The following ZBTB20 variants were observed in gnomAD, a reference collection of about 807,000 sequenced individuals.
ZBTB20 encodes the protein zinc finger and BTB domain containing 20, also known as zinc finger and BTB domain-containing protein 20.
ZBTB20 carries 9 observed loss-of-function variants against 56.9 expected under a neutral mutation model. The observed-to-expected ratio is 0.16, with a 90% confidence interval of 0.10 to 0.28. The LOEUF (loss-of-function observed/expected upper bound fraction) is 0.28. Ranked by LOEUF, ZBTB20 falls within the 10% of genes least tolerant of loss-of-function variation. The pLI, the probability that ZBTB20 is intolerant of heterozygous loss-of-function variation, is 1.00. For synonymous variants in ZBTB20, 417 were observed against 420.7 expected, an observed-to-expected ratio of 0.99 and a Z score of 0.11; for missense variants, 655 against 1,003.0, an observed-to-expected ratio of 0.65 and a Z score of 4.69.
intron 6 of ZBTB20, among the ~76,000 whole-genome samples, chr3:114,596,250 A>G (rs994802283): frequency 2.6e-5 from 4 of 152,206 alleles, no homozygotes; most frequent in Non-Finnish European, 5.9e-5. Flanking sequence ...AAATCAAACA[A>G]ACGAAAACTA....
intron 3 of ZBTB20, among the ~76,000 whole-genome samples, chr3:114,929,074 A>G (rs2076260885): frequency 6.6e-6 from 1 of 152,224 alleles, no homozygotes; most frequent in East Asian, 1.9e-4. Flanking sequence ...ATATACATAA[A>G]TAATATAATG....
intron 5 of ZBTB20, among the ~76,000 whole-genome samples, chr3:114,735,567 G>A (rs1228379057): frequency 2.0e-5 from 3 of 152,026 alleles, no homozygotes; most frequent in African/African-American, 4.8e-5. Context: ...AAGAAGTCAC[G>A]TTGCCTTAAA....
intron 7 of ZBTB20, among the ~76,000 whole-genome samples, chr3:114,403,076 C>T (rs1172064728): frequency 6.7e-6 from 1 of 150,088 alleles, no homozygotes; most frequent in Non-Finnish European, 1.5e-5. Context: ...TCATCATAAC[C>T]ATATGTGGCA....
At chr3:114,415,561 AT>A (rs749252329) in intron 7 of ZBTB20, among the ~76,000 whole-genome samples, 12 of 152,162 alleles carry the variant, frequency 7.9e-5, no homozygotes, top group Non-Finnish European at 1.6e-4. Flanking sequence ...TAAGGTTAAC[AT>A]TAGAGATTCA....
intron 7 of ZBTB20, among the ~76,000 whole-genome samples, chr3:114,421,021 T>C (rs1031798630): frequency 1.5e-4 from 23 of 152,162 alleles, no homozygotes; most frequent in Non-Finnish European, 7.3e-5. Context: ...TCAAAGCTTT[T>C]CTCATTTGAT....
At chr3:114,940,996 G>C (rs1427499604) in intron 3 of ZBTB20, among the ~76,000 whole-genome samples, 2 of 146,096 alleles carry the variant, frequency 1.4e-5, no homozygotes, top group East Asian at 3.9e-4. Context: ...AAAATCCACA[G>C]AGCGAATTTG....
intron 6 of ZBTB20, among the ~76,000 whole-genome samples, chr3:114,614,693 G>C (rs2057793972): frequency 6.6e-6 from 1 of 152,140 alleles, no homozygotes; most frequent in Admixed American, 6.6e-5. Flanking sequence ...CATAATGACT[G>C]AAGAAAGTTA....
At chr3:115,143,973 G>A (rs561677711) in intron 1 of ZBTB20, among the ~76,000 whole-genome samples, 1 of 152,280 alleles carries the variant, frequency 6.6e-6, no homozygotes, top group African/African-American at 2.4e-5. Context: ...AATCTAAAAT[G>A]CACAAAGTGT....
chr3:115,098,262 A>C (rs9289007), intron 1 of ZBTB20, among the ~76,000 whole-genome samples: 2 of 151,922 alleles, frequency 1.3e-5, no homozygotes, highest in Non-Finnish European at 2.9e-5. Context: ...GAGAATGACT[A>C]ATCAAGACAT....
intron 2 of ZBTB20, among the ~76,000 whole-genome samples, chr3:115,045,268 A>G (rs1342246989): frequency 1.3e-5 from 2 of 152,186 alleles, no homozygotes; most frequent in Admixed American, 1.3e-4. Flanking sequence ...AACATGTAGT[A>G]TATGTTCCTA....
intron 4 of ZBTB20, among the ~76,000 whole-genome samples, chr3:114,847,502 C>A (rs1022139368): frequency 6.6e-6 from 1 of 152,082 alleles, no homozygotes; most frequent in Non-Finnish European, 1.5e-5. Context: ...TTAATTATTT[C>A]ATCTGTGAAA....
intron 6 of ZBTB20, among the ~76,000 whole-genome samples, chr3:114,668,428 AATC>A (rs1471303587): frequency 2.0e-5 from 3 of 152,030 alleles, no homozygotes; most frequent in Non-Finnish European, 4.4e-5. Context: ...AAGTACTTGA[AATC>A]AGGTTAATTA....
chr3:114,383,815 C>A lies in ZBTB20; in HGVS notation c.-153-2875G>T, dbSNP rs1260984673. Among the ~76,000 whole-genome samples, 4 of 152,162 alleles carry A rather than the reference C, an allele frequency of 2.6e-5. 1 individual carries two copies. The highest frequency in any genetic ancestry group is 9.7e-5 in the African/African-American group (4 of 41,424). ...GTGAATTGACCCCATTTTTGCAGTTCATAGTTTATTAAGGAGGAAAGAATA... is the reference window on the plus strand; with the variant it reads ...GTGAATTGACCCCATTTTTGCAGTTAATAGTTTATTAAGGAGGAAAGAATA... On this transcript the variant is annotated intron_variant, in intron 8 of 11. Transcript: ENST00000675478.
intron 2 of ZBTB20, among the ~76,000 whole-genome samples, chr3:114,991,416 G>A (rs949537360): frequency 6.6e-6 from 1 of 152,164 alleles, no homozygotes; most frequent in Admixed American, 6.6e-5. Context: ...GAGTGGTTTT[G>A]AGTGAGTTTC....
chr3:114,564,470 G>T (rs2052483415), intron 6 of ZBTB20, among the ~76,000 whole-genome samples: 1 of 152,076 alleles, frequency 6.6e-6, no homozygotes, highest in Admixed American at 6.6e-5. Context: ...ATGGTAAGCT[G>T]CACAGACATT....
At chr3:114,663,411 C>A (rs1477655976) in intron 6 of ZBTB20, among the ~76,000 whole-genome samples, 4 of 147,816 alleles carry the variant, frequency 2.7e-5, no homozygotes, top group African/African-American at 9.9e-5. Context: ...AAAGGAACAA[C>A]CGGTACCAGC....
chr3:114,821,076 G>C (rs1168464792), intron 4 of ZBTB20, among the ~76,000 whole-genome samples: 1 of 152,062 alleles, frequency 6.6e-6, no homozygotes, highest in Non-Finnish European at 1.5e-5. Context: ...ACCTTGCCTA[G>C]TATTTTGCGA....
Position 114,947,953 on chromosome 3 carries a change from C to A in ZBTB20, c.-456+26413G>T, listed in dbSNP as rs1357334196. Among the ~76,000 whole-genome samples, 4 of 145,540 alleles carry A rather than the reference C, an allele frequency of 2.7e-5. No individual in the cohort carries two copies. In the South Asian group the frequency reaches 8.6e-4, roughly 31 times the overall value. ...GAAATAGAGGGAATACATCCGAACT[C>A]ATTTTATGAGAATAATATAACTATG... On this transcript the variant is annotated intron_variant, in intron 3 of 11. Transcript: ENST00000675478.
chr3:114,371,346 C>A (rs1304962617), intron 10 of ZBTB20, among the ~76,000 whole-genome samples: 2 of 152,150 alleles, frequency 1.3e-5, no homozygotes, highest in African/African-American at 4.8e-5. Flanking sequence ...GTCTGTTTTT[C>A]TCCACCTTTG....
Sources: allele counts gnomAD v4.1 joint callset (sites outside exome capture counted in the v4.1 genomes callset), GRCh38; gene constraint gnomAD v4.1.1; transcripts MANE v1.5; gene names NCBI Gene and HGNC (gene_info 2026-07-23, HGNC 2026-07-21).